The following ADAMTSL1 variants were observed in gnomAD, a reference collection of about 807,000 sequenced individuals.
ADAMTSL1 encodes the protein ADAMTS like 1.
A neutral mutation model predicts 201.8 loss-of-function variants in ADAMTSL1; 126 were observed. The ratio of observed to expected loss-of-function variants is 0.62; its 90% CI spans 0.54 to 0.72. ADAMTSL1 has a LOEUF of 0.72. ADAMTSL1 is among the 30% of genes least tolerant of loss of function. ADAMTSL1 has a pLI of 0.00. For synonymous variants in ADAMTSL1, 1,121 were observed against 903.4 expected (o/e 1.24, Z -4.32); for missense variants, 2,679 against 2,277.8 (o/e 1.18, Z -3.59).
At chr9:18,729,877 C>G (rs1454129857) in intron 15 of ADAMTSL1, among the ~76,000 whole-genome samples, 3 of 152,178 alleles carry the variant, frequency 2.0e-5, no homozygotes, top group Non-Finnish European at 4.4e-5. Flanking sequence ...CAGTTATCAA[C>G]CTCATTGTTC....
chr9:18,637,263 T>G (rs1252785554), intron 6 of ADAMTSL1, among the ~76,000 whole-genome samples: 2 of 152,154 alleles, frequency 1.3e-5, no homozygotes, highest in Non-Finnish European at 2.9e-5. Context: ...TGTGTATTAT[T>G]ACCACTCAAA....
intron 1 of ADAMTSL1, among the ~76,000 whole-genome samples, chr9:17,923,483 A>G (rs529978118): frequency 7.7e-4 from 117 of 151,942 alleles, no homozygotes; most frequent in African/African-American, 2.8e-3. Context: ...ATTTTTGTAC[A>G]TTGATTTTGT....
chr9:18,007,259 A>C (rs1171825650), intron 1 of ADAMTSL1, among the ~76,000 whole-genome samples: 1 of 152,060 alleles, frequency 6.6e-6, no homozygotes, highest in East Asian at 1.9e-4. Context: ...CACAGCTTGG[A>C]CAATGCTGCT....
intron 2 of ADAMTSL1, among the ~76,000 whole-genome samples, chr9:18,516,346 C>G (rs1818367119): frequency 6.6e-6 from 1 of 152,104 alleles, no homozygotes; most frequent in South Asian, 2.1e-4. Context: ...CACCTGGAGG[C>G]AGGAAGAATA....
intron 2 of ADAMTSL1, among the ~76,000 whole-genome samples, chr9:18,172,494 G>C (rs543572124): frequency 1.3e-5 from 2 of 152,216 alleles, no homozygotes; most frequent in East Asian, 3.9e-4. Context: ...TTGTCAGTGA[G>C]AAAGTAAGGT....
At chr9:18,245,994 A>T (rs1338042774) in intron 2 of ADAMTSL1, among the ~76,000 whole-genome samples, 1 of 152,146 alleles carries the variant, frequency 6.6e-6, no homozygotes, top group East Asian at 1.9e-4. Flanking sequence ...AGAATGGCGA[A>T]TTGTTGCTAT....
chr9:18,204,426 C>T (rs1287244432), intron 2 of ADAMTSL1, among the ~76,000 whole-genome samples: 4 of 152,092 alleles, frequency 2.6e-5, no homozygotes, highest in African/African-American at 4.8e-5. Context: ...CTTGAGGCCT[C>T]TCCAGCCATG....
intron 1 of ADAMTSL1, among the ~76,000 whole-genome samples, chr9:17,968,048 C>T (rs2131417437): frequency 6.6e-6 from 1 of 152,162 alleles, no homozygotes; most frequent in African/African-American, 2.4e-5. Flanking sequence ...GGTGAACAGG[C>T]ATTTGTCTAA....
chr9:18,688,603 G>A (rs1165176782), intron 13 of ADAMTSL1, among the ~76,000 whole-genome samples: 2 of 137,300 alleles, frequency 1.5e-5, no homozygotes, highest in Non-Finnish European at 3.1e-5. Context: ...GGGAGGCGGA[G>A]GCTGCAGTGA....
At chr9:18,370,856 G>C (rs1270382984) in intron 2 of ADAMTSL1, among the ~76,000 whole-genome samples, 3 of 151,846 alleles carry the variant, frequency 2.0e-5, no homozygotes, top group Admixed American at 2.0e-4. Context: ...CATAATCCCA[G>C]GTGTTCATCT....
At chr9:17,913,647 C>A (rs1289335976) in intron 1 of ADAMTSL1, among the ~76,000 whole-genome samples, 2 of 152,198 alleles carry the variant, frequency 1.3e-5, no homozygotes, top group South Asian at 2.1e-4. Context: ...CAAAAGCTAG[C>A]AGAAGGCAAG....
chr9:18,111,936 A>G lies in ADAMTSL1; in HGVS notation c.88-51926A>G, dbSNP rs184134739. Reference sequence around the variant, plus strand: ...AAATTAATATTTTTTTAAGCATCTAATGGTAAGTTTTATATGTGATAATTC... The same window carrying G: ...AAATTAATATTTTTTTAAGCATCTAGTGGTAAGTTTTATATGTGATAATTC... On this transcript the variant is annotated intron_variant, in intron 1 of 29. Transcript: ENST00000680146. 4.0e-4 allele frequency among the ~76,000 whole-genome samples: 61 copies of G among 152,270 alleles called. No individual in the cohort carries two copies. In the East Asian group the frequency reaches 0.011, roughly 27 times the overall value.
intron 2 of ADAMTSL1, among the ~76,000 whole-genome samples, chr9:18,169,112 A>G (rs1316804027): frequency 2.2e-5 from 3 of 138,772 alleles, no homozygotes; most frequent in Non-Finnish European, 4.7e-5. Context: ...TTTGCTGTGC[A>G]GAAGCTCTTT....
chr9:18,775,093 G>A (rs1820900392), intron 17 of ADAMTSL1, among the ~76,000 whole-genome samples: 1 of 151,928 alleles, frequency 6.6e-6, no homozygotes, highest in East Asian at 1.9e-4. Flanking sequence ...TGGATATGAA[G>A]TTGTATCTCA....
At chr9:18,647,068 C>G (rs1447766638) in intron 7 of ADAMTSL1, among the ~76,000 whole-genome samples, 1 of 152,080 alleles carries the variant, frequency 6.6e-6, no homozygotes, top group Non-Finnish European at 1.5e-5. Flanking sequence ...AATTTCAGAT[C>G]CTGTTATTGG....
At chr9:18,775,270 C>T (rs1820910284) in intron 17 of ADAMTSL1, among the ~76,000 whole-genome samples, 1 of 152,154 alleles carries the variant, frequency 6.6e-6, no homozygotes, top group Admixed American at 6.5e-5. Context: ...TTCATAACTA[C>T]CTAATGCTTG....
intron 1 of ADAMTSL1, among the ~76,000 whole-genome samples, chr9:18,157,888 G>C (rs552159542): frequency 6.6e-6 from 1 of 152,072 alleles, no homozygotes; most frequent in East Asian, 1.9e-4. Context: ...AACACCTGAA[G>C]CTACTTCAAG....
At chr9:18,612,386 C>T (rs10963667) in intron 4 of ADAMTSL1, among the ~76,000 whole-genome samples, 7,421 of 152,154 alleles carry the variant, frequency 0.049, 259 homozygotes, top group East Asian at 0.2. Flanking sequence ...TTTGAAATCG[C>T]AATATATCCC....
At chr9:18,387,357 A>T (rs978945924) in intron 2 of ADAMTSL1, among the ~76,000 whole-genome samples, 2 of 151,696 alleles carry the variant, frequency 1.3e-5, no homozygotes, top group African/African-American at 2.4e-5. Flanking sequence ...CCTCCTATAC[A>T]GCCTTGCTAT....
Sources: gnomAD v4.1 joint callset for allele counts (sites outside exome capture counted in the v4.1 genomes callset) on GRCh38, gnomAD v4.1.1 for gene constraint, MANE v1.5 for transcripts, NCBI Gene and HGNC (gene_info 2026-07-23, HGNC 2026-07-21) for gene names.